The following CAST variants were observed in gnomAD, a reference collection of about 807,000 sequenced individuals.
CAST encodes calpastatin, also known as MIR583 host.
Under a neutral mutation model 119.6 loss-of-function variants are expected in CAST, and 76 were observed. That is an observed-to-expected ratio of 0.64 (90% CI 0.53 to 0.77). CAST has a LOEUF of 0.77. Ranked by LOEUF, CAST falls within the 30% of genes least tolerant of loss-of-function variation. CAST has a pLI of 0.00. For synonymous variants in CAST, 319 were observed against 331.6 expected (o/e 0.96, Z 0.41); for missense variants, 953 against 946.5 (o/e 1.01, Z -0.09).
the CAST span, among the ~76,000 whole-genome samples, chr5:96,445,916 G>A: frequency 1.3e-5 from 2 of 152,090 alleles, no homozygotes; most frequent in Admixed American, 1.3e-4. Context: ...TGGCAGATCT[G>A]GGCTCACTGC....
chr5:96,019,765 T>C, the CAST span, among the ~76,000 whole-genome samples: 1 of 152,208 alleles, frequency 6.6e-6, no homozygotes, highest in Admixed American at 6.5e-5. Flanking sequence ...TAAGCTTTTG[T>C]TTTTTATGTT....
At chr5:96,494,057 A>C in the CAST span, among the ~76,000 whole-genome samples, 1,818 of 151,946 alleles carry the variant, frequency 0.012, 23 homozygotes, top group South Asian at 0.022. Flanking sequence ...AACTAACTAA[A>C]TAAATAAATA....
chr5:96,485,082 A>G, the CAST span, among the ~76,000 whole-genome samples: 2 of 152,142 alleles, frequency 1.3e-5, no homozygotes, highest in Non-Finnish European at 2.9e-5. Flanking sequence ...AAATTGAGAG[A>G]AGGAAGGAGT....
the CAST span, among the ~76,000 whole-genome samples, chr5:96,291,949 G>A: frequency 6.7e-6 from 1 of 150,220 alleles, no homozygotes; most frequent in Non-Finnish European, 1.5e-5. Context: ...CAAATATTTT[G>A]TCTCTACTCT....
At chr5:96,216,808 CAAGT>C in the CAST span, among the ~76,000 whole-genome samples, 1 of 152,174 alleles carries the variant, frequency 6.6e-6, no homozygotes, top group Non-Finnish European at 1.5e-5. Context: ...AAATGTTTGC[CAAGT>C]ACCTAAGTCT....
chr5:96,480,512 C>T, the CAST span, among the ~76,000 whole-genome samples: 1 of 151,978 alleles, frequency 6.6e-6, no homozygotes, highest in Non-Finnish European at 1.5e-5. Flanking sequence ...CATGAATAGG[C>T]TAAACTGGAG....
At chr5:96,458,350 T>C in the CAST span, among the ~76,000 whole-genome samples, 2 of 152,190 alleles carry the variant, frequency 1.3e-5, no homozygotes, top group African/African-American at 4.8e-5. Context: ...CTGCAAAGTC[T>C]AAAATACTTA....
At chr5:96,541,595 A>C (rs1043169454) in intron 1 of CAST, among the ~76,000 whole-genome samples, 4 of 152,172 alleles carry the variant, frequency 2.6e-5, no homozygotes, top group African/African-American at 7.2e-5. Flanking sequence ...TCACTGCCCC[A>C]AAAATCCACT....
chr5:96,525,905 T>C (rs1381380252), upstream of CAST, among the ~76,000 whole-genome samples: 1 of 152,222 alleles, frequency 6.6e-6, no homozygotes, highest in East Asian at 1.9e-4. Flanking sequence ...GTTTTTATTG[T>C]CTAGTGATAG....
the CAST span, among the ~76,000 whole-genome samples, chr5:96,194,512 C>G: frequency 3.9e-5 from 6 of 152,054 alleles, no homozygotes; most frequent in African/African-American, 1.4e-4. Context: ...GCACTGGTTC[C>G]CAGATTTCAG....
the CAST span, among the ~76,000 whole-genome samples, chr5:96,368,101 C>A: frequency 6.6e-6 from 1 of 151,980 alleles, no homozygotes; most frequent in African/African-American, 2.4e-5. Context: ...TTATAGTATC[C>A]TTTAATTACT....
chr5:96,170,348 C>A, the CAST span, among the ~76,000 whole-genome samples: 1 of 152,134 alleles, frequency 6.6e-6, no homozygotes, highest in Non-Finnish European at 1.5e-5. Context: ...TAGCAAGCTG[C>A]GGGAGGAGGT....
At chr5:96,338,579 A>T in the CAST span, among the ~76,000 whole-genome samples, 1 of 152,184 alleles carries the variant, frequency 6.6e-6, no homozygotes, top group Non-Finnish European at 1.5e-5. Flanking sequence ...CTTTGCTCTG[A>T]GATTTAGTCT....
chr5:96,435,528 G>A, the CAST span, among the ~76,000 whole-genome samples: 3 of 152,112 alleles, frequency 2.0e-5, no homozygotes, highest in African/African-American at 4.8e-5. Flanking sequence ...TGTTTCAAGG[G>A]CTAGTCCTAC....
chr5:96,720,148 G>A (rs186293261), intron 3 of CAST, among the ~76,000 whole-genome samples: 19 of 152,286 alleles, frequency 1.2e-4, no homozygotes, highest in Admixed American at 3.3e-4. Flanking sequence ...AGCATATTCT[G>A]GATAAACACC....
chr5:96,118,700 C>T, the CAST span, among the ~76,000 whole-genome samples: 1 of 150,818 alleles, frequency 6.6e-6, no homozygotes, highest in Non-Finnish European at 1.5e-5. Flanking sequence ...CTTAAAGAAG[C>T]CAATCCATCT....
intron 26 of CAST, among the ~76,000 whole-genome samples, 178 bp downstream of exon 26, chr5:96,765,503 C>A (rs1429234504): frequency 6.6e-6 from 1 of 152,064 alleles, no homozygotes; most frequent in Non-Finnish European, 1.5e-5. Context: ...GTCACTGAAT[C>A]TGTGACAGAG....
the CAST span, among the ~76,000 whole-genome samples, chr5:96,476,803 A>T: frequency 6.6e-6 from 1 of 151,958 alleles, no homozygotes; most frequent in Admixed American, 6.6e-5. Flanking sequence ...AAACACACAC[A>T]TGTACACAAA....
intron 1 of CAST, among the ~76,000 whole-genome samples, chr5:96,536,284 G>A (rs1745813372): frequency 6.6e-6 from 1 of 152,052 alleles, no homozygotes; most frequent in African/African-American, 2.4e-5. Context: ...ACTTGAACCT[G>A]AGAGGTGGAG....
Sources: gnomAD v4.1 joint callset for allele counts (sites outside exome capture counted in the v4.1 genomes callset) on GRCh38, gnomAD v4.1.1 for gene constraint, MANE v1.5 for transcripts, NCBI Gene and HGNC (gene_info 2026-07-23, HGNC 2026-07-21) for gene names.